Variants in GTF3C1 observed in about 807,000 individuals in gnomAD.
The protein encoded by GTF3C1 is general transcription factor 3C polypeptide 1.
Under a neutral mutation model 226.7 loss-of-function variants are expected in GTF3C1, and 57 were observed. The observed-to-expected ratio is 0.25, with a 90% CI of 0.20 to 0.31. The LOEUF (loss-of-function observed/expected upper bound fraction) is 0.31, where lower values mean the gene tolerates loss of function less well. Among genes scored for constraint, GTF3C1 ranks in the 10% least tolerant of loss-of-function variants. GTF3C1 has a pLI of 1.00. For synonymous variants in GTF3C1, 1,090 were observed against 1,084.8 expected, an observed-to-expected ratio of 1.00 and a Z score of -0.09; for missense variants, 2,217 against 2,776.1, an observed-to-expected ratio of 0.80 and a Z score of 4.53.
chr16:27,549,593 C>G, intron 1 of GTF3C1, 77 bp downstream of exon 1: 1 of 789,644 alleles, frequency 1.3e-6, no homozygotes, highest in Admixed American at 2.5e-5. Context: ...CTCCATTCCC[C>G]CGCCCTGCCC....
Position 27,501,214 on chromosome 16 carries a change from T to A in GTF3C1, c.2038A>T (p.Ile680Phe). 6.2e-7 allele frequency: 1 copy of A among 1,613,184 alleles called. No homozygotes were observed. The highest frequency in any genetic ancestry group is 8.5e-7 in the Non-Finnish European group (1 of 1,179,172). Residue 680 changes from isoleucine to phenylalanine, a missense_variant, in exon 12 of 37, where the codon ATT becomes TTT. Physicochemically the swap from Ile to Phe is conservative, Grantham distance 21. Around this residue, in one of 12 missense-constraint regions of GTF3C1, gnomAD observed 52 missense variants for 110.8 expected, o/e 0.47. Coordinates refer to ENST00000356183, the MANE Select transcript of GTF3C1 (RefSeq NM_001520.4). ...GLLRLYRTTV[I>F]QDGIKKKVDL... is the part of the protein sequence containing the mutation. The stretch of plus-strand genomic sequence containing the variant: ...ACCTTCTTCTTGATGCCATCTTGAA[T>A]GACAGTGGTCCGATACAATCGCAAG...
chr16:27,536,576 C>A (rs2141452247), intron 4 of GTF3C1, among the ~76,000 whole-genome samples: 1 of 152,334 alleles, frequency 6.6e-6, no homozygotes. Context: ...CCCTGGAGAT[C>A]CGCAGTCAAT....
chr16:27,468,739 CAAAT>C (rs1413613883), intron 32 of GTF3C1, among the ~76,000 whole-genome samples: 3 of 152,026 alleles, frequency 2.0e-5, no homozygotes, highest in Non-Finnish European at 2.9e-5. Flanking sequence ...TCAATCATTT[CAAAT>C]AAATAAATAA....
At chr16:27,493,854 TTAA>T (rs1171006992) in intron 16 of GTF3C1, among the ~76,000 whole-genome samples, 1 of 152,054 alleles carries the variant, frequency 6.6e-6, no homozygotes, top group Non-Finnish European at 1.5e-5. Flanking sequence ...GTCTAAAAAG[TTAA>T]TGATGCAAAA....
At chr16:27,479,116 T>G (rs1298534222) in intron 27 of GTF3C1, among the ~76,000 whole-genome samples, 1 of 152,234 alleles carries the variant, frequency 6.6e-6, no homozygotes, top group Non-Finnish European at 1.5e-5. Context: ...TTTTAAGGTT[T>G]GTATTGCCAA....
rs536083708 is a variant in GTF3C1 at position 27,509,480 on chromosome 16, G to A, written c.1127-825C>T. Among the ~76,000 whole-genome samples, 9 of 152,190 alleles carry A rather than the reference G, an allele frequency of 5.9e-5. No homozygotes were observed. The East Asian group carries it at 1.4e-3, about 23-fold the overall frequency. On this transcript the variant is annotated intron_variant, in intron 7 of 36. Coordinates refer to ENST00000356183, the MANE Select transcript of GTF3C1 (RefSeq NM_001520.4). ...TTTCAGAAGTATCTTCCTCTTGGCCGGGTGCAGTGCCTCACTCCTGTAATC... is the reference window on the plus strand; with the variant it reads ...TTTCAGAAGTATCTTCCTCTTGGCCAGGTGCAGTGCCTCACTCCTGTAATC...
chr16:27,461,689 A>T lies in GTF3C1; in HGVS notation c.6118-127T>A. On this transcript the variant is annotated intron_variant, in intron 36 of 36. Coordinates refer to ENST00000356183, the MANE Select transcript of GTF3C1 (RefSeq NM_001520.4). The surrounding 1 kb of genome is among the most constrained non-coding windows in gnomAD (Gnocchi z 5.3). ...ACTTCCCAGAGCAGGGGGCACCTGA[A>T]CTGGGCATGAGGCAGATGGGGATGT... The T allele has an allele frequency of 1.4e-6, 1 of 696,082 alleles. No homozygotes were observed. The highest frequency in any genetic ancestry group is 2.5e-6 in the Non-Finnish European group (1 of 403,640). The allele number at this position is 696,082 out of a possible 1,614,324, so 43.1% of individuals were successfully genotyped here. A position where few individuals can be genotyped will look rare whatever the true frequency, so the allele number is the denominator to read the frequency against.
chr16:27,515,199 C>T (rs2088638274), intron 6 of GTF3C1, among the ~76,000 whole-genome samples: 2 of 152,174 alleles, frequency 1.3e-5, no homozygotes, highest in African/African-American at 2.4e-5. Flanking sequence ...AATCCCAGCA[C>T]TTTGGGAGGC....
In GTF3C1 at chr16:27,463,719, A is replaced by G. The variant is rs2087739043; in HGVS notation, c.5873-127T>C. The G allele has an allele frequency of 4.1e-6, 3 of 731,100 alleles. No homozygotes were observed. Among genetic ancestry groups the G allele is most frequent in the Non-Finnish European group, 7.4e-6 (3 of 403,752 alleles). The allele number at this position is 731,100 out of a possible 1,614,324, so 45.3% of individuals were successfully genotyped here. On this transcript the variant is annotated intron_variant, in intron 34 of 36. Transcript: ENST00000356183. The surrounding 1 kb of genome is among the most constrained non-coding windows in gnomAD (Gnocchi z 4.9). ...AGGCTCAGGGGATGAAGTGTCAAAA[A>G]AAAAGGACAATGAGCATCTCACAGA...
At chr16:27,498,927 T>A (rs936838761) in intron 12 of GTF3C1, among the ~76,000 whole-genome samples, 194 bp from the exon 13 acceptor site, 4 of 152,354 alleles carry the variant, frequency 2.6e-5, no homozygotes, top group Middle Eastern at 3.4e-3. Flanking sequence ...ATTCCTCAAG[T>A]GACCAAGCGA....
At position 27,533,718 on chromosome 16, in the gene GTF3C1, T is replaced by C. The variant is rs535272589; in HGVS notation, c.753-331A>G. On this transcript the variant is annotated intron_variant, in intron 4 of 36. Coordinates refer to ENST00000356183, the MANE Select transcript of GTF3C1 (RefSeq NM_001520.4). ...AGTTTAGGAAGTATCACACATATCT[T>C]CTTACAAATCACTTGGTGAGGGGCC... 6.9e-4 allele frequency among the ~76,000 whole-genome samples: 105 copies of C among 152,316 alleles called. 1 individual carries two copies. The highest frequency in any genetic ancestry group is 4.8e-3 in the Admixed American group (74 of 15,306).
chr16:27,495,146 T>C (rs1014828678), intron 15 of GTF3C1, 65 bp downstream of exon 15: 14 of 1,222,360 alleles, frequency 1.1e-5, no homozygotes, highest in African/African-American at 1.0e-4. Context: ...AACTATCATG[T>C]TTCTCCCTGG....
At chr16:27,534,418 A>T (rs1444730031) in intron 4 of GTF3C1, among the ~76,000 whole-genome samples, 1 of 152,062 alleles carries the variant, frequency 6.6e-6, no homozygotes, top group Non-Finnish European at 1.5e-5. Flanking sequence ...GAGCACACGT[A>T]TGGGATCCAG....
intron 2 of GTF3C1, among the ~76,000 whole-genome samples, chr16:27,544,527 C>T (rs1232122686): frequency 3.3e-5 from 5 of 151,594 alleles, no homozygotes; most frequent in South Asian, 4.2e-4. Context: ...GCCACCATTT[C>T]TCACCTCCTC....
chr16:27,465,817 G>GCA (rs1320121650), intron 32 of GTF3C1: 4 of 477,652 alleles, frequency 8.4e-6, no homozygotes, highest in African/African-American at 7.8e-5. Context: ...AAAGTGAAGG[G>GCA]CACAGAGGCC....
At chr16:27,513,283 A>G (rs1305974945) in intron 6 of GTF3C1, among the ~76,000 whole-genome samples, 1 of 152,028 alleles carries the variant, frequency 6.6e-6, no homozygotes, top group Admixed American at 6.6e-5. Flanking sequence ...GCAAGACCCA[A>G]CTCTACAAAA....
At position 27,525,185 on chromosome 16, in the gene GTF3C1, T is replaced by TAAAAG. The variant is rs60325418; in HGVS notation, c.973+3408_973+3412dup. Among the ~76,000 whole-genome samples, 157 of 150,754 alleles carry TAAAAG rather than the reference T, an allele frequency of 1.0e-3. 1 individual carries two copies. Among genetic ancestry groups the TAAAAG allele is most frequent in the African/African-American group, 2.3e-3 (95 of 40,646 alleles). ...AAAGAAAGAAAAGAAAAGAAAGAAA[T>TAAAAG]AAAAGAAAAGAAAAGAAAAGATCAA... On this transcript the variant is annotated intron_variant, in intron 6 of 36. Transcript: ENST00000356183.
intron 4 of GTF3C1, among the ~76,000 whole-genome samples, chr16:27,536,881 G>A (rs1162934766): frequency 6.6e-6 from 1 of 152,170 alleles, no homozygotes; most frequent in Non-Finnish European, 1.5e-5. Flanking sequence ...TGAGGGCTGA[G>A]ACCTCTGCAG....
At chr16:27,472,207 G>A (rs901103386) in intron 29 of GTF3C1, among the ~76,000 whole-genome samples, 2 of 152,158 alleles carry the variant, frequency 1.3e-5, no homozygotes, top group Non-Finnish European at 1.5e-5. Context: ...TCACTCCCAA[G>A]CCGATTTCTT....
Sources: gnomAD v4.1 joint callset for allele counts (sites outside exome capture counted in the v4.1 genomes callset) on GRCh38, gnomAD v4.1.1 for gene constraint, gnomAD v4.1.1 regional missense constraint, Gnocchi (gnomAD v3.1) non-coding constraint, MANE v1.5 for transcripts, NCBI Gene and HGNC (gene_info 2026-07-23, HGNC 2026-07-21) for gene names.